NKAIN2: variants seen among roughly 807,000 people sequenced by gnomAD.
The protein encoded by NKAIN2 is sodium/potassium transporting ATPase interacting 2.
NKAIN2 carries 14 observed loss-of-function variants against 32.6 expected under a neutral mutation model. The ratio of observed to expected loss-of-function variants is 0.43; its 90% CI spans 0.28 to 0.67. The LOEUF (loss-of-function observed/expected upper bound fraction) is 0.67, where lower values mean the gene tolerates loss of function less well. Ranked by LOEUF, NKAIN2 falls within the 30% of genes least tolerant of loss-of-function variation. The pLI is 0.17. For missense variants in NKAIN2, 198 were observed against 258.3 expected (o/e 0.77, Z 1.60); for synonymous variants, 80 against 87.2 (o/e 0.92, Z 0.46).
chr6:124,488,513 C>A (rs1361295909), intron 3 of NKAIN2, among the ~76,000 whole-genome samples: 1 of 152,008 alleles, frequency 6.6e-6, no homozygotes, highest in East Asian at 1.9e-4. Flanking sequence ...TTTCCAGGTA[C>A]ATCTATCACA....
intron 3 of NKAIN2, among the ~76,000 whole-genome samples, chr6:124,603,298 AT>A (rs1782375746): frequency 6.6e-6 from 1 of 152,072 alleles, no homozygotes; most frequent in African/African-American, 2.4e-5. Context: ...AAGTAAAATC[AT>A]CAAAGTATAT....
intron 1 of NKAIN2, among the ~76,000 whole-genome samples, chr6:123,882,882 A>G (rs1355496876): frequency 6.6e-6 from 1 of 152,228 alleles, no homozygotes; most frequent in African/African-American, 2.4e-5. Flanking sequence ...ACTGTTTCTC[A>G]TCATGTTCAG....
rs1239494718 is a variant in NKAIN2, at chr6:123,938,506, ATATAT to A, written c.54+134258_54+134262del. Among the ~76,000 whole-genome samples, 240 of 135,894 alleles carry A rather than the reference ATATAT, an allele frequency of 1.8e-3. 1 individual carries two copies. The highest frequency in any genetic ancestry group is 3.3e-3 in the South Asian group (15 of 4,580). 89.2% of individuals were successfully genotyped at this position (135,894 alleles called of 152,430 possible). A position where few individuals can be genotyped will look rare whatever the true frequency, so the allele number is the denominator to read the frequency against. ...AATATATAATATATATTTATATATA[ATATAT>A]TATATATATTTATATATTATATTTT... On this transcript the variant is annotated intron_variant, in intron 1 of 6. Transcript: ENST00000368417.
chr6:124,064,817 A>G (rs1402024499), intron 1 of NKAIN2, among the ~76,000 whole-genome samples: 3 of 152,062 alleles, frequency 2.0e-5, no homozygotes, highest in Non-Finnish European at 4.4e-5. Flanking sequence ...TGTTTATTGC[A>G]TTCTCTGCTA....
intron 4 of NKAIN2, among the ~76,000 whole-genome samples, chr6:124,670,474 C>T (rs999521291): frequency 2.6e-5 from 4 of 152,030 alleles, no homozygotes; most frequent in Non-Finnish European, 4.4e-5. Flanking sequence ...GAAATCTTCA[C>T]ATACAAATTA....
intron 4 of NKAIN2, among the ~76,000 whole-genome samples, chr6:124,687,358 T>C (rs1458237764): frequency 7.5e-6 from 1 of 132,756 alleles, no homozygotes; most frequent in Non-Finnish European, 1.6e-5. Context: ...ATATATATAT[T>C]CCATACATAC....
chr6:124,718,557 GTTCA>G (rs1562343025), intron 4 of NKAIN2, among the ~76,000 whole-genome samples: 2 of 151,992 alleles, frequency 1.3e-5, no homozygotes, highest in Non-Finnish European at 2.9e-5. Flanking sequence ...ACAACTTTTT[GTTCA>G]TTGTCTTTTA....
chr6:124,440,072 G>A (rs146481518), intron 3 of NKAIN2, among the ~76,000 whole-genome samples: 2 of 152,226 alleles, frequency 1.3e-5, no homozygotes, highest in African/African-American at 4.8e-5. Flanking sequence ...TGGACAAGAA[G>A]TCTAGACATT....
At chr6:124,755,714 G>T (rs982689825) in intron 4 of NKAIN2, among the ~76,000 whole-genome samples, 3 of 152,106 alleles carry the variant, frequency 2.0e-5, no homozygotes, top group African/African-American at 7.2e-5. Flanking sequence ...CTACCAGAGG[G>T]TGGAAGTCAG....
chr6:124,788,532 G>A (rs1366141482), intron 4 of NKAIN2, among the ~76,000 whole-genome samples: 1 of 152,058 alleles, frequency 6.6e-6, no homozygotes, highest in Non-Finnish European at 1.5e-5. Flanking sequence ...TTACAATCAA[G>A]ACAGAAGGGG....
chr6:123,840,626 A>G (rs1446559317), intron 1 of NKAIN2, among the ~76,000 whole-genome samples: 2 of 152,124 alleles, frequency 1.3e-5, no homozygotes, highest in Non-Finnish European at 1.5e-5. Context: ...AACATCTAAG[A>G]TCTTTTTGAG....
chr6:124,546,148 C>G (rs1257900996), intron 3 of NKAIN2, among the ~76,000 whole-genome samples: 2 of 152,164 alleles, frequency 1.3e-5, no homozygotes, highest in East Asian at 3.9e-4. Context: ...ACCTCACGTA[C>G]ATTTCTGATT....
At position 124,533,215 on chromosome 6, in the gene NKAIN2, C is replaced by G. The variant is rs186580063; in HGVS notation, c.274-124971C>G. Among the ~76,000 whole-genome samples the G allele has an allele frequency of 1.6e-3, 237 of 152,142 alleles. 2 individuals are homozygous for G. The highest frequency in any genetic ancestry group is 6.0e-3 in the Admixed American group (92 of 15,276). ...CAGGAGCCTCCTACTCTGCCATATT[C>G]TCACATCACCCCAGAAAAATGGTAA... On this transcript the variant is annotated intron_variant, in intron 3 of 6. Transcript: ENST00000368417.
chr6:124,139,235 C>A (rs981945183), intron 1 of NKAIN2, among the ~76,000 whole-genome samples: 1 of 149,288 alleles, frequency 6.7e-6, no homozygotes, highest in Non-Finnish European at 1.5e-5. Context: ...ACTACAGGCG[C>A]CCGCCACCGC....
chr6:124,136,254 C>T (rs2114298067), intron 1 of NKAIN2, among the ~76,000 whole-genome samples: 2 of 152,030 alleles, frequency 1.3e-5, no homozygotes, highest in Non-Finnish European at 2.9e-5. Context: ...CCTTTACATG[C>T]ACAATCTTGA....
chr6:124,822,636 G>C (rs1433823305), intron 6 of NKAIN2, among the ~76,000 whole-genome samples: 1 of 152,162 alleles, frequency 6.6e-6, no homozygotes, highest in Non-Finnish European at 1.5e-5. Context: ...TTCAGATGAT[G>C]TATAACTAAC....
intron 1 of NKAIN2, among the ~76,000 whole-genome samples, chr6:123,845,981 T>C (rs540603217): frequency 6.6e-6 from 1 of 152,324 alleles, no homozygotes; most frequent in East Asian, 1.9e-4. Context: ...TTACCGGGTC[T>C]CTCTGACTCA....
At chr6:124,601,400 A>G (rs1273045289) in intron 3 of NKAIN2, among the ~76,000 whole-genome samples, 1 of 152,066 alleles carries the variant, frequency 6.6e-6, no homozygotes, top group East Asian at 1.9e-4. Flanking sequence ...TTAGCAAGTC[A>G]GCTCCTTTTT....
intron 1 of NKAIN2, among the ~76,000 whole-genome samples, chr6:124,181,460 A>G (rs190035591): frequency 0.01 from 1,583 of 152,264 alleles, 13 homozygotes; most frequent in Non-Finnish European, 0.015. Flanking sequence ...TTTCTACCAC[A>G]TCATCAAGCT....
Sources: allele counts gnomAD v4.1 joint callset (sites outside exome capture counted in the v4.1 genomes callset), GRCh38; gene constraint gnomAD v4.1.1; transcripts MANE v1.5; gene names NCBI Gene and HGNC (gene_info 2026-07-23, HGNC 2026-07-21).